Variants in TRABD2B observed in about 807,000 individuals in gnomAD.
The protein encoded by TRABD2B is TraB domain containing 2B, also known as metalloprotease TIKI2.
Under a neutral mutation model 40.1 loss-of-function variants are expected in TRABD2B, and 14 were observed. That is an observed-to-expected ratio of 0.35 (90% CI 0.23 to 0.55). The LOEUF (loss-of-function observed/expected upper bound fraction) is 0.55. TRABD2B is among the 20% of genes least tolerant of loss of function. TRABD2B has a pLI of 0.90. For missense variants in TRABD2B, 541 were observed against 648.6 expected, an observed-to-expected ratio of 0.83 and a Z score of 1.80; for synonymous variants, 263 against 277.0, an observed-to-expected ratio of 0.95 and a Z score of 0.50.
At chr1:47,825,844 G>A (rs185453247) in intron 2 of TRABD2B, among the ~76,000 whole-genome samples, 18 of 149,712 alleles carry the variant, frequency 1.2e-4, no homozygotes, top group African/African-American at 3.8e-4. Flanking sequence ...TAGGGCCTTG[G>A]ACTGGGAGTC....
intron 2 of TRABD2B, among the ~76,000 whole-genome samples, chr1:47,924,666 A>C (rs1644947613): frequency 6.6e-6 from 1 of 152,136 alleles, no homozygotes; most frequent in Admixed American, 6.6e-5. Flanking sequence ...CAAAGCAGTA[A>C]TTTTGCCTGC....
In TRABD2B at chr1:47,909,559, AAGGAGGAGGAGGAGGAGG is replaced by A. The variant is rs71056647; in HGVS notation, c.666+84457_666+84474del. Among the ~76,000 whole-genome samples the A allele has an allele frequency of 6.5e-3, 758 of 117,416 alleles. 2 individuals carry two copies. Among genetic ancestry groups the A allele is most frequent in the Middle Eastern group, 0.012 (3 of 246 alleles). 77.0% of individuals were successfully genotyped at this position (117,416 alleles called of 152,430 possible). Reference sequence around the variant, plus strand: ...GAGGAGAAGGAGGAGAAGAAGGAAGAAGGAGGAGGAGGAGGAGGAGGAGGAGGAGGAGGAGGAGGAGGA... The same window carrying A: ...GAGGAGAAGGAGGAGAAGAAGGAAGAAGGAGGAGGAGGAGGAGGAGGAGGA... On this transcript the variant is annotated intron_variant, in intron 2 of 6. Transcript: ENST00000606738.
chr1:47,926,190 A>T (rs1644966574), intron 2 of TRABD2B, among the ~76,000 whole-genome samples: 1 of 152,226 alleles, frequency 6.6e-6, no homozygotes. Flanking sequence ...AAAAGGAATC[A>T]TTCCTTCTCA....
At chr1:47,945,444 A>G (rs139613203) in intron 2 of TRABD2B, among the ~76,000 whole-genome samples, 93 of 152,286 alleles carry the variant, frequency 6.1e-4, no homozygotes, top group African/African-American at 2.1e-3. Flanking sequence ...AAAATAATTT[A>G]CATATAATAA....
At position 47,994,214 on chromosome 1, in the gene TRABD2B, C is replaced by T. The variant is rs1202511431; in HGVS notation, c.486G>A (p.Arg162=). The change falls in exon 2 of 7, where the codon AGG becomes AGA. Residue 162 remains arginine (R), a synonymous_variant. Transcript: ENST00000606738. This position sits in a 1 kb window ranked among gnomAD's most constrained non-coding sequence, Gnocchi z 6.7. The stretch of plus-strand genomic sequence containing the variant: ...TTACCATGAGCATCACCCAGACGGG[C>T]CTCTTGCGCTCCCAGTTGCCCGCGA... ...NAIAGNWERK[R]PVWVMLMVNS... is the part of the protein sequence containing the mutation. 27 of 1,546,288 alleles carry T rather than the reference C, an allele frequency of 1.7e-5. No homozygotes were observed. The highest frequency in any genetic ancestry group is 2.1e-5 in the Non-Finnish European group (24 of 1,151,802).
At chr1:47,879,856 A>G (rs1382195624) in intron 2 of TRABD2B, among the ~76,000 whole-genome samples, 1 of 152,184 alleles carries the variant, frequency 6.6e-6, no homozygotes, top group Admixed American at 6.5e-5. Context: ...TGTGGCTGAG[A>G]TGTAGACAGG....
chr1:47,985,227 T>C (rs4927299), intron 2 of TRABD2B, among the ~76,000 whole-genome samples: 57,058 of 152,160 alleles, frequency 0.37, 10,947 homozygotes, highest in African/African-American at 0.44. Context: ...GTCTGGAAGT[T>C]TTCCAGTGGA....
intron 2 of TRABD2B, among the ~76,000 whole-genome samples, chr1:47,978,334 C>T (rs12079957): frequency 0.31 from 47,870 of 152,060 alleles, 7,905 homozygotes; most frequent in African/African-American, 0.42. Flanking sequence ...AATAGATTTC[C>T]GTTGTTAATA....
At chr1:47,993,376 T>G (rs993022430) in intron 2 of TRABD2B, among the ~76,000 whole-genome samples, 4 of 152,182 alleles carry the variant, frequency 2.6e-5, no homozygotes. Context: ...CTCTCCTACT[T>G]CTGAGGTTCA....
chr1:47,764,256 G>A lies in TRABD2B; in HGVS notation c.*1646C>T, dbSNP rs532833508. 6.6e-6 allele frequency: 1 copy of A among 152,360 alleles called. No homozygotes were observed. Among genetic ancestry groups the A allele is most frequent in the East Asian group, 1.9e-4 (1 of 5,184 alleles). The allele number at this position is 152,360 out of a possible 1,614,324, so 9.4% of individuals were successfully genotyped here. A position where few individuals can be genotyped will look rare whatever the true frequency, so the allele number is the denominator to read the frequency against. On this transcript the variant is annotated 3_prime_UTR_variant, in exon 7 of 7. Coordinates refer to ENST00000606738, the MANE Select transcript of TRABD2B (RefSeq NM_001194986.2). ...AGGCCCACCCGGCTGTGCAGCCTTG[G>A]AGAAGTGTCTCCTCTCTGTGGGCCT...
chr1:47,794,020 G>T (rs1437624056), intron 4 of TRABD2B, among the ~76,000 whole-genome samples: 3 of 152,150 alleles, frequency 2.0e-5, no homozygotes, highest in Non-Finnish European at 4.4e-5. Context: ...TATGTGGCAG[G>T]TTATTTTTAA....
At chr1:47,839,720 C>T (rs956901070) in intron 2 of TRABD2B, among the ~76,000 whole-genome samples, 4 of 152,210 alleles carry the variant, frequency 2.6e-5, no homozygotes, top group South Asian at 2.1e-4. Context: ...ACAGTGTCCT[C>T]GCCATCATCA....
At chr1:47,946,263 A>T (rs144676335) in intron 2 of TRABD2B, among the ~76,000 whole-genome samples, 91 of 152,300 alleles carry the variant, frequency 6.0e-4, no homozygotes, top group African/African-American at 2.1e-3. Flanking sequence ...AGTTTTGAGC[A>T]TTCTTTATAT....
At chr1:47,935,449 G>A (rs1645094316) in intron 2 of TRABD2B, among the ~76,000 whole-genome samples, 1 of 152,138 alleles carries the variant, frequency 6.6e-6, no homozygotes. Flanking sequence ...TAGAGCTTCT[G>A]GGGACATATC....
rs1463754328 is a variant in TRABD2B at position 47,761,053 on chromosome 1, C to T, written c.*4849G>A. 1 of 152,330 alleles carries T rather than the reference C, an allele frequency of 6.6e-6. No homozygotes were observed. Among genetic ancestry groups the T allele is most frequent in the Non-Finnish European group, 1.5e-5 (1 of 68,118 alleles). The allele number at this position is 152,330 out of a possible 1,614,324, so 9.4% of individuals were successfully genotyped here. A position where few individuals can be genotyped will look rare whatever the true frequency, so the allele number is the denominator to read the frequency against. ...GGGTCCTGGGAAGAAAGCCAAGCAC[C>T]TCATCTCCATGGAGGCCCAAGATTG... On this transcript the variant is annotated 3_prime_UTR_variant, in exon 7 of 7. Coordinates refer to ENST00000606738, the MANE Select transcript of TRABD2B (RefSeq NM_001194986.2).
intron 2 of TRABD2B, among the ~76,000 whole-genome samples, chr1:47,811,135 G>A (rs1644959397): frequency 6.6e-6 from 1 of 152,192 alleles, no homozygotes; most frequent in Non-Finnish European, 1.5e-5. Context: ...GAGATGTGAA[G>A]TCACGGGGAG....
At chr1:47,841,435 C>T (rs867838791) in intron 2 of TRABD2B, among the ~76,000 whole-genome samples, 1 of 152,244 alleles carries the variant, frequency 6.6e-6, no homozygotes, top group Admixed American at 6.5e-5. Context: ...GCGCCTGAAT[C>T]CCTGAACTGT....
intron 2 of TRABD2B, among the ~76,000 whole-genome samples, chr1:47,851,041 A>G (rs1463705042): frequency 6.6e-6 from 1 of 150,880 alleles, no homozygotes; most frequent in Non-Finnish European, 1.5e-5. Context: ...TCACCTGCTC[A>G]CCTCCTGCTG....
At chr1:47,930,432 C>G (rs1570310723) in intron 2 of TRABD2B, among the ~76,000 whole-genome samples, 1 of 152,278 alleles carries the variant, frequency 6.6e-6, no homozygotes, top group Admixed American at 6.5e-5. Flanking sequence ...AGCGCCACAT[C>G]CTGGAGCAGA....
Sources: allele counts gnomAD v4.1 joint callset (sites outside exome capture counted in the v4.1 genomes callset), GRCh38; gene constraint gnomAD v4.1.1; non-coding constraint Gnocchi (gnomAD v3.1); transcripts MANE v1.5; gene names NCBI Gene and HGNC (gene_info 2026-07-23, HGNC 2026-07-21).